The following ARHGEF3 variants were observed in gnomAD, a reference collection of about 807,000 sequenced individuals.
The protein encoded by ARHGEF3 is 59.8 kDA protein.
Under a neutral mutation model 63.2 loss-of-function variants are expected in ARHGEF3, and 28 were observed. That is an observed-to-expected ratio of 0.44 (90% CI 0.33 to 0.61). The LOEUF (loss-of-function observed/expected upper bound fraction) is 0.61. ARHGEF3 is among the 20% of genes least tolerant of loss of function. ARHGEF3 has a pLI of 0.03. For missense variants in ARHGEF3, 533 were observed against 659.3 expected (o/e 0.81, Z 2.10); for synonymous variants, 266 against 254.2 (o/e 1.05, Z -0.44).
intron 1 of ARHGEF3, among the ~76,000 whole-genome samples, chr3:56,789,978 G>A (rs535695537): frequency 7.4e-4 from 112 of 152,284 alleles, no homozygotes; most frequent in African/African-American, 2.6e-3. Flanking sequence ...TTTGTGATTT[G>A]TCTTTATAAG....
intron 3 of ARHGEF3, among the ~76,000 whole-genome samples, chr3:56,934,900 G>C (rs2042516566): frequency 6.6e-6 from 1 of 152,272 alleles, no homozygotes; most frequent in African/African-American, 2.4e-5. Flanking sequence ...CCCGCTGCGG[G>C]ATCCACTAGG....
intron 2 of ARHGEF3, among the ~76,000 whole-genome samples, chr3:56,981,578 A>G (rs1347641611): frequency 1.3e-5 from 2 of 152,222 alleles, no homozygotes; most frequent in Admixed American, 1.3e-4. Context: ...ACCCTGTATT[A>G]TTTCAAACCT....
At chr3:57,020,728 C>T (rs1055338916) in intron 2 of ARHGEF3, among the ~76,000 whole-genome samples, 11 of 152,214 alleles carry the variant, frequency 7.2e-5, no homozygotes, top group African/African-American at 1.4e-4. Flanking sequence ...AAGGCCTAAT[C>T]GACACTGAGC....
chr3:56,754,844 T>G (rs2034972174), intron 3 of ARHGEF3, 137 bp downstream of exon 3: 6 of 1,180,600 alleles, frequency 5.1e-6, no homozygotes, highest in Non-Finnish European at 4.7e-6. Flanking sequence ...TTCCCCAAGG[T>G]CAGACACTCT....
intron 1 of ARHGEF3, among the ~76,000 whole-genome samples, chr3:56,793,152 C>T (rs944601344): frequency 6.5e-4 from 99 of 151,388 alleles, no homozygotes; most frequent in Middle Eastern, 3.4e-3. Context: ...TACAGGCTCC[C>T]GCCACCAGGC....
At chr3:57,053,394 C>T (rs2107312288) in intron 1 of ARHGEF3, among the ~76,000 whole-genome samples, 1 of 152,278 alleles carries the variant, frequency 6.6e-6, no homozygotes, top group Middle Eastern at 3.4e-3. Context: ...CTCTACCTCA[C>T]CTTCCCCTCC....
At chr3:56,888,227 C>T (rs1330737013) in intron 3 of ARHGEF3, among the ~76,000 whole-genome samples, 5 of 151,772 alleles carry the variant, frequency 3.3e-5, no homozygotes, top group African/African-American at 4.8e-5. Context: ...TCCACTCCTA[C>T]GAAAAGGAAT....
chr3:57,007,966 C>T (rs1358451088), intron 2 of ARHGEF3, among the ~76,000 whole-genome samples: 1 of 152,144 alleles, frequency 6.6e-6, no homozygotes, highest in African/African-American at 2.4e-5. Context: ...GGCTGCTTAG[C>T]TGGGCACCTT....
At chr3:56,883,989 C>A (rs529377989) in intron 3 of ARHGEF3, among the ~76,000 whole-genome samples, 45 of 152,204 alleles carry the variant, frequency 3.0e-4, no homozygotes, top group African/African-American at 1.0e-3. Flanking sequence ...TTACTATGTG[C>A]TGGGCCCTGT....
intron 3 of ARHGEF3, among the ~76,000 whole-genome samples, chr3:56,925,829 G>A (rs2042261165): frequency 6.6e-6 from 1 of 152,164 alleles, no homozygotes; most frequent in Admixed American, 6.5e-5. Flanking sequence ...AAAGCCACAG[G>A]ACAGCCTGGC....
chr3:56,867,467 AT>A (rs2040290139), intron 4 of ARHGEF3, among the ~76,000 whole-genome samples: 2 of 151,706 alleles, frequency 1.3e-5, no homozygotes, highest in African/African-American at 4.9e-5. Context: ...CTATTTATTT[AT>A]TTATTTATTT....
intron 4 of ARHGEF3, among the ~76,000 whole-genome samples, chr3:56,863,627 G>T (rs909721408): frequency 6.6e-6 from 1 of 151,510 alleles, no homozygotes; most frequent in Admixed American, 6.6e-5. Context: ...TAGAGACAGG[G>T]TTTCACCATG....
rs540139287 is a variant in ARHGEF3 at position 56,977,862 on chromosome 3, C to T, written c.63-18973G>A. Among the ~76,000 whole-genome samples the T allele has an allele frequency of 2.6e-5, 4 of 152,250 alleles. No individual in the cohort carries two copies. In the South Asian group the frequency reaches 8.3e-4, roughly 32 times the overall value. On this transcript the variant is annotated intron_variant, in intron 2 of 12. Transcript: ENST00000338458. ...TGTGAGGTTTAAGTAAACTCAAGCA[C>T]ACAAAGTACATAGAGAGTAGAAACT...
Position 56,745,460 on chromosome 3 carries a change from G to A in ARHGEF3, c.615C>T (p.Leu205=), listed in dbSNP as rs1670404619. 6.2e-7 allele frequency: 1 copy of A among 1,612,428 alleles called. No individual in the cohort carries two copies. Among genetic ancestry groups the A allele is most frequent in the Non-Finnish European group, 8.5e-7 (1 of 1,179,282 alleles). ...EHVGPILVGW[L]PCLSSYDSYC... Reference sequence around the variant, plus strand: ...AGCTATCATAGGAGCTGAGGCAAGGGAGCTAAGAAGGAAACAGAAAGAGAA... The same window carrying A: ...AGCTATCATAGGAGCTGAGGCAAGGAAGCTAAGAAGGAAACAGAAAGAGAA... Residue 205 remains leucine (L), a splice_region_variant and synonymous_variant, in exon 7 of 10, where the codon CTC becomes CTT. Coordinates refer to ENST00000296315, the MANE Select transcript of ARHGEF3 (RefSeq NM_019555.3).
At chr3:56,998,831 C>T (rs1174942053) in intron 2 of ARHGEF3, among the ~76,000 whole-genome samples, 1 of 152,194 alleles carries the variant, frequency 6.6e-6, no homozygotes, top group African/African-American at 2.4e-5. Context: ...AGAGTCCTAA[C>T]CTCAGCAGAT....
At position 56,752,944 on chromosome 3, in the gene ARHGEF3, T is replaced by C. The variant is rs181463266; in HGVS notation, c.438+560A>G. ...ATATCAGATGAAGGAGTCTGGATTT[T>C]AGCCTCCAAGCCATGGAGTTGGGGG... On this transcript the variant is annotated intron_variant, in intron 4 of 9. Coordinates refer to ENST00000296315, the MANE Select transcript of ARHGEF3 (RefSeq NM_019555.3). Among the ~76,000 whole-genome samples the C allele has an allele frequency of 7.9e-5, 12 of 152,348 alleles. No homozygotes were observed. The East Asian group carries it at 1.7e-3, about 22-fold the overall frequency.
At chr3:56,793,966 C>T (rs2037218226) in intron 1 of ARHGEF3, among the ~76,000 whole-genome samples, 1 of 152,112 alleles carries the variant, frequency 6.6e-6, no homozygotes, top group Non-Finnish European at 1.5e-5. Flanking sequence ...CTTATTAATA[C>T]TCAAGTTTTT....
intron 2 of ARHGEF3, among the ~76,000 whole-genome samples, chr3:56,760,470 T>A (rs1226763000): frequency 6.6e-6 from 1 of 152,164 alleles, no homozygotes; most frequent in African/African-American, 2.4e-5. Flanking sequence ...CACTATGAAT[T>A]TCTTGCTTTG....
intron 4 of ARHGEF3, among the ~76,000 whole-genome samples, chr3:56,813,979 G>T (rs1048453193): frequency 2.6e-5 from 4 of 152,156 alleles, no homozygotes; most frequent in African/African-American, 9.7e-5. Flanking sequence ...CCAGCTGGAA[G>T]CAGGAATAAT....
Sources: allele counts gnomAD v4.1 joint callset (sites outside exome capture counted in the v4.1 genomes callset), GRCh38; gene constraint gnomAD v4.1.1; transcripts MANE v1.5; gene names NCBI Gene and HGNC (gene_info 2026-07-23, HGNC 2026-07-21).